Variants in ACSS3 observed in about 807,000 individuals in gnomAD.
The protein encoded by ACSS3 is acyl-CoA synthetase short chain family member 3, also known as acyl-CoA synthetase short-chain family member 3, mitochondrial.
In ACSS3, 64 loss-of-function variants were observed where a neutral mutation model predicts 84.2. The ratio of observed to expected loss-of-function variants is 0.76; its 90% CI spans 0.62 to 0.94. ACSS3 has a LOEUF of 0.94. Among genes scored for constraint, ACSS3 ranks in the 40% least tolerant of loss-of-function variants. The probability of loss-of-function intolerance (pLI) is 0.00; values close to 1 mark genes in which losing one functional copy is unlikely to be tolerated. For missense variants in ACSS3, 815 were observed against 867.6 expected, an observed-to-expected ratio of 0.94 and a Z score of 0.76; for synonymous variants, 317 against 310.1, an observed-to-expected ratio of 1.02 and a Z score of -0.23.
chr12:81,085,636 C>G (rs373668419), intron 1 of ACSS3, among the ~76,000 whole-genome samples: 18 of 152,110 alleles, frequency 1.2e-4, no homozygotes, highest in East Asian at 7.7e-4. Flanking sequence ...GGCAGGTTGC[C>G]AAATCTTGGC....
At chr12:81,252,993 C>CTATTAA (rs2034199568) in intron 13 of ACSS3, among the ~76,000 whole-genome samples, 2 of 152,342 alleles carry the variant, frequency 1.3e-5, no homozygotes, top group South Asian at 4.1e-4. Context: ...CACATTTTCT[C>CTATTAA]TGACTTCATT....
intron 8 of ACSS3, among the ~76,000 whole-genome samples, chr12:81,186,418 A>G (rs939507314): frequency 6.6e-6 from 1 of 151,820 alleles, no homozygotes; most frequent in Admixed American, 6.6e-5. Flanking sequence ...AAAATGAAAC[A>G]GCTGCCTATG....
At chr12:81,193,154 G>C (rs1185518972) in intron 8 of ACSS3, among the ~76,000 whole-genome samples, 3 of 152,066 alleles carry the variant, frequency 2.0e-5, no homozygotes, top group Admixed American at 1.3e-4. Context: ...TGAATGTAGG[G>C]AAAAGGAAGA....
At chr12:81,200,682 T>G (rs570357890) in intron 9 of ACSS3, among the ~76,000 whole-genome samples, 1 of 152,118 alleles carries the variant, frequency 6.6e-6, no homozygotes, top group East Asian at 1.9e-4. Flanking sequence ...TTGAGATCAC[T>G]TGAGGTCAGG....
Position 81,078,186 on chromosome 12 carries a change from T to C in ACSS3, c.66T>C (p.Pro22=), listed in dbSNP as rs763044553. The change falls in exon 1 of 16, where the codon CCT becomes CCC. Residue 22 remains proline (P), a synonymous_variant. Coordinates refer to ENST00000548058, the MANE Select transcript of ACSS3 (RefSeq NM_024560.4). The stretch of plus-strand genomic sequence containing the variant: ...CCGGGGGGCTCGGAGGGCCCTTGCC[T>C]GGGTCCTCTCCGGCCCGGGGAGCCG... ...TSAGGLGGPL[P]GSSPARGAGA... 5 of 1,547,282 alleles carry C rather than the reference T, an allele frequency of 3.2e-6. No individual in the cohort carries two copies. In the African/African-American group the frequency reaches 6.9e-5, roughly 21 times the overall value.
chr12:81,238,530 T>C (rs1345026532), intron 13 of ACSS3, among the ~76,000 whole-genome samples: 1 of 151,852 alleles, frequency 6.6e-6, no homozygotes, highest in African/African-American at 2.4e-5. Flanking sequence ...TATTAATTGT[T>C]GATCTAATTT....
intron 1 of ACSS3, among the ~76,000 whole-genome samples, chr12:81,079,743 C>T (rs1219187897): frequency 2.0e-5 from 3 of 152,202 alleles, no homozygotes; most frequent in Non-Finnish European, 4.4e-5. Context: ...TGGGGCCAGA[C>T]TACCTGGTCT....
At chr12:81,112,702 AGAG>A (rs1392516670) in intron 2 of ACSS3, among the ~76,000 whole-genome samples, 1 of 152,216 alleles carries the variant, frequency 6.6e-6, no homozygotes, top group Non-Finnish European at 1.5e-5. Flanking sequence ...TTTATTAAGT[AGAG>A]AAGACAGAGA....
chr12:81,198,454 CGTT>C (rs1328008597), intron 8 of ACSS3, among the ~76,000 whole-genome samples: 2 of 151,926 alleles, frequency 1.3e-5, no homozygotes, highest in African/African-American at 4.8e-5. Flanking sequence ...AAATATACTA[CGTT>C]GTTCAGGATC....
chr12:81,233,526 C>G (rs1457764323), intron 13 of ACSS3, 55 bp downstream of exon 13: 7 of 1,593,992 alleles, frequency 4.4e-6, no homozygotes, highest in Non-Finnish European at 6.0e-6. Context: ...CAGAGCTGCA[C>G]TGAAGACAAT....
chr12:81,245,194 G>A (rs1051092240), intron 13 of ACSS3, among the ~76,000 whole-genome samples: 4 of 152,180 alleles, frequency 2.6e-5, no homozygotes, highest in Non-Finnish European at 5.9e-5. Context: ...TGGCGCGGTG[G>A]CTCACGCCTG....
chr12:81,077,919 C>T, upstream of ACSS3: 1 of 555,996 alleles, frequency 1.8e-6, no homozygotes, highest in Non-Finnish European at 3.0e-6. Flanking sequence ...ACACCCCTGT[C>T]CCGGGGCCCC....
At chr12:81,179,271 CAAAAAAAAAAA>C (rs71098127) in intron 8 of ACSS3, among the ~76,000 whole-genome samples, 2 of 66,802 alleles carry the variant, frequency 3.0e-5, no homozygotes, top group East Asian at 4.9e-4. Flanking sequence ...AAGTAATTGC[CAAAAAAAAAAA>C]AAAAAAAGAA....
chr12:81,167,185 A>T (rs959208715), intron 7 of ACSS3, among the ~76,000 whole-genome samples: 6 of 152,212 alleles, frequency 3.9e-5, no homozygotes, highest in African/African-American at 1.4e-4. Flanking sequence ...TAATACTTCC[A>T]AAGGTAAACT....
Position 81,259,285 on chromosome 12 carries a change from T to C in ACSS3, c.*4363T>C. 2.8e-6 allele frequency: 1 copy of C among 361,564 alleles called. No individual in the cohort carries two copies. Among genetic ancestry groups the C allele is most frequent in the South Asian group, 2.4e-5 (1 of 42,078 alleles). 22.4% of individuals were successfully genotyped at this position (361,564 alleles called of 1,614,324 possible). A position where few individuals can be genotyped will look rare whatever the true frequency, so the allele number is the denominator to read the frequency against. On this transcript the variant is annotated 3_prime_UTR_variant, in exon 16 of 16. Coordinates refer to ENST00000548058, the MANE Select transcript of ACSS3 (RefSeq NM_024560.4). ...TCGAGACTCCATGAACCATATATTT[T>C]ATTTTTTAAAAAATCATATTTATAT...
intron 1 of ACSS3, among the ~76,000 whole-genome samples, chr12:81,091,645 TA>T (rs1304260292): frequency 6.6e-6 from 1 of 151,958 alleles, no homozygotes; most frequent in African/African-American, 2.4e-5. Flanking sequence ...TTATCATTAG[TA>T]AAAAATACTT....
chr12:81,123,547 G>A (rs970921137), intron 2 of ACSS3, among the ~76,000 whole-genome samples: 4 of 151,964 alleles, frequency 2.6e-5, no homozygotes, highest in Admixed American at 1.3e-4. Context: ...GATAAATTGC[G>A]TGTTGTTGAG....
intron 1 of ACSS3, among the ~76,000 whole-genome samples, chr12:81,089,015 A>G (rs960677223): frequency 1.3e-5 from 2 of 151,980 alleles, no homozygotes; most frequent in Middle Eastern, 3.2e-3. Context: ...TGTTTCCTGG[A>G]CAATAGAAAG....
intron 2 of ACSS3, among the ~76,000 whole-genome samples, chr12:81,122,616 T>C (rs1490883339): frequency 6.6e-6 from 1 of 152,208 alleles, no homozygotes; most frequent in Non-Finnish European, 1.5e-5. Context: ...TTGTGTTGAA[T>C]TGAATAGTCT....
Sources: allele counts gnomAD v4.1 joint callset (sites outside exome capture counted in the v4.1 genomes callset), GRCh38; gene constraint gnomAD v4.1.1; transcripts MANE v1.5; gene names NCBI Gene and HGNC (gene_info 2026-07-23, HGNC 2026-07-21).